ERICH1: variants seen among roughly 807,000 people sequenced by gnomAD.
The protein encoded by ERICH1 is glutamate rich 1.
In ERICH1, 56 loss-of-function variants were observed where a neutral mutation model predicts 39.6. That is an observed-to-expected ratio of 1.41 (90% CI 1.14 to 1.77). The LOEUF is 1.77. Among genes scored for constraint, ERICH1 ranks in the 40% most tolerant of loss-of-function variants. The pLI is 0.00. For synonymous variants in ERICH1, 313 were observed against 223.6 expected, an observed-to-expected ratio of 1.40 and a Z score of -3.57; for missense variants, 826 against 575.4, an observed-to-expected ratio of 1.44 and a Z score of -4.45.
rs143947550 is a variant in ERICH1 at position 729,120 on chromosome 8, C to T, written c.22+2020G>A. Among the ~76,000 whole-genome samples the T allele has an allele frequency of 1.6e-4, 24 of 152,270 alleles. No individual in the cohort carries two copies. In the East Asian group the frequency reaches 4.3e-3, roughly 27 times the overall value. ...ACTTAGCTCGGGGAGGGAGGGATACCGTGCCTGATTCGCTGCCGCAGCCAG... is the reference window on the plus strand; with the variant it reads ...ACTTAGCTCGGGGAGGGAGGGATACTGTGCCTGATTCGCTGCCGCAGCCAG... On this transcript the variant is annotated intron_variant, in intron 1 of 5. Coordinates refer to ENST00000262109, the MANE Select transcript of ERICH1 (RefSeq NM_207332.3).
intron 3 of ERICH1, among the ~76,000 whole-genome samples, chr8:617,266 T>C (rs1796980111): frequency 1.3e-5 from 2 of 152,148 alleles, no homozygotes; most frequent in Admixed American, 1.3e-4. Flanking sequence ...GAGCGTGTTC[T>C]AAGTCAGAAT....
intron 3 of ERICH1, among the ~76,000 whole-genome samples, chr8:682,400 T>A (rs1220315536): frequency 6.6e-6 from 1 of 152,246 alleles, no homozygotes; most frequent in Non-Finnish European, 1.5e-5. Context: ...ATGTGCTCTA[T>A]GCTCTGGCGT....
intron 5 of ERICH1, 113 bp downstream of exon 5, chr8:668,485 G>A (rs1802628644): frequency 1.0e-6 from 1 of 1,002,882 alleles, no homozygotes; most frequent in Non-Finnish European, 1.6e-6. Context: ...TGCCATATGT[G>A]CAGTGTCATA....
At chr8:668,922 G>C (rs1220836897) in intron 4 of ERICH1, 130 bp from the exon 5 acceptor site, 4 of 778,982 alleles carry the variant, frequency 5.1e-6, no homozygotes, top group African/African-American at 1.7e-5. Context: ...TGGGAGATGA[G>C]AAGCTACCAG....
chr8:723,232 G>C (rs903377804), intron 1 of ERICH1, among the ~76,000 whole-genome samples: 6 of 152,206 alleles, frequency 3.9e-5, no homozygotes, highest in Non-Finnish European at 8.8e-5. Context: ...AATGGGTGCT[G>C]GCGCCATGCT....
At chr8:683,784 T>C (rs186577744) in intron 3 of ERICH1, among the ~76,000 whole-genome samples, 575 of 152,344 alleles carry the variant, frequency 3.8e-3, no homozygotes, top group Admixed American at 6.9e-3. Context: ...AAAGGAAAGG[T>C]TGGTTTTCCT....
chr8:652,240 G>A (rs67918799), intron 3 of ERICH1, among the ~76,000 whole-genome samples: 23,243 of 152,298 alleles, frequency 0.15, 2,307 homozygotes, highest in Middle Eastern at 0.26. Context: ...AGGAAATGCA[G>A]CCAGCAGGAG....
intron 3 of ERICH1, among the ~76,000 whole-genome samples, chr8:631,877 G>C (rs1344317055): frequency 6.6e-6 from 1 of 152,076 alleles, no homozygotes; most frequent in East Asian, 1.9e-4. Flanking sequence ...CCTTTGCTCA[G>C]TCAATGCTGT....
chr8:618,097 C>A (rs1335568634), intron 3 of ERICH1, among the ~76,000 whole-genome samples: 1 of 150,936 alleles, frequency 6.6e-6, no homozygotes, highest in Non-Finnish European at 1.5e-5. Context: ...CTCAGTCCAT[C>A]CTCACTGCCC....
chr8:676,896 C>A (rs1804971037), intron 3 of ERICH1, among the ~76,000 whole-genome samples: 1 of 152,240 alleles, frequency 6.6e-6, no homozygotes, highest in Admixed American at 6.5e-5. Context: ...GATGAAACAA[C>A]GTGAGTGAAG....
At chr8:671,682 C>G (rs1047332106) in intron 4 of ERICH1, 4 of 160,860 alleles carry the variant, frequency 2.5e-5, no homozygotes, top group African/African-American at 1.0e-4. Flanking sequence ...AATGTCTGTG[C>G]TCACTGGGCT....
chr8:660,555 C>G (rs772525693), downstream of ERICH1, among the ~76,000 whole-genome samples: 29 of 152,192 alleles, frequency 1.9e-4, no homozygotes, highest in Non-Finnish European at 3.2e-4. Context: ...GGTCCCAGCC[C>G]GGGCTGTACT....
At chr8:703,175 A>G (rs1213365343) in intron 2 of ERICH1, among the ~76,000 whole-genome samples, 1 of 152,218 alleles carries the variant, frequency 6.6e-6, no homozygotes, top group Non-Finnish European at 1.5e-5. Flanking sequence ...AGTTCAGCAC[A>G]GCCAAATGCA....
intron 2 of ERICH1, among the ~76,000 whole-genome samples, chr8:714,053 C>T (rs34859865): frequency 2.0e-5 from 1 of 50,248 alleles, no homozygotes; most frequent in African/African-American, 1.1e-4. Context: ...GGCCTCTTCC[C>T]GCATCTCTCG....
intron 3 of ERICH1, among the ~76,000 whole-genome samples, chr8:624,850 C>T (rs967244770): frequency 2.0e-5 from 3 of 152,156 alleles, no homozygotes; most frequent in Non-Finnish European, 2.9e-5. Context: ...CCTCAGCCTC[C>T]AGAGTAGCTG....
intron 3 of ERICH1, chr8:615,893 A>G (rs1370175557): frequency 1.3e-5 from 2 of 152,424 alleles, no homozygotes; most frequent in Non-Finnish European, 2.9e-5. Flanking sequence ...TTTAATGAAT[A>G]CGCTGTGGTC....
chr8:709,200 T>G (rs944758834), intron 2 of ERICH1, among the ~76,000 whole-genome samples: 1 of 152,210 alleles, frequency 6.6e-6, no homozygotes, highest in Non-Finnish European at 1.5e-5. Flanking sequence ...ACAAATTCCC[T>G]TTTAAGCCAG....
Position 651,791 on chromosome 8 carries a change from G to GT in ERICH1, c.976+16806_976+16807insA, listed in dbSNP as rs1207816978. On this transcript the variant is annotated intron_variant, in intron 3 of 3. Coordinates refer to the ERICH1 transcript ENST00000522706. ...AGGGGAGGGCATCTGGTTTCCCTTC[G>GT]GCAGCCACTCTGACATCATTGTCAA... 3.9e-5 allele frequency among the ~76,000 whole-genome samples: 6 copies of GT among 152,116 alleles called. No individual in the cohort carries two copies. The South Asian group carries it at 1.0e-3, about 26-fold the overall frequency.
chr8:650,296 G>A (rs1799784388), intron 3 of ERICH1, among the ~76,000 whole-genome samples: 1 of 152,222 alleles, frequency 6.6e-6, no homozygotes, highest in South Asian at 2.1e-4. Flanking sequence ...CCCTGTCCTC[G>A]CTGGGTCTCC....
Sources: gnomAD v4.1 joint callset for allele counts (sites outside exome capture counted in the v4.1 genomes callset) on GRCh38, gnomAD v4.1.1 for gene constraint, MANE v1.5 for transcripts, NCBI Gene and HGNC (gene_info 2026-07-23, HGNC 2026-07-21) for gene names.